Variants in TMEM132D observed in about 807,000 individuals in gnomAD.
TMEM132D encodes transmembrane protein 132D, also known as mature OL transmembrane protein.
TMEM132D carries 21 observed loss-of-function variants against 62.3 expected under a neutral mutation model. The ratio of observed to expected loss-of-function variants is 0.34; its 90% CI spans 0.24 to 0.49. TMEM132D has a LOEUF of 0.49. Ranked by LOEUF, TMEM132D falls within the 20% of genes least tolerant of loss-of-function variation. TMEM132D has a pLI of 0.99. For missense variants in TMEM132D, 1,346 were observed against 1,402.8 expected (o/e 0.96, Z 0.65); for synonymous variants, 621 against 575.6 (o/e 1.08, Z -1.13).
chr12:129,577,837 A>T (rs899663552), intron 2 of TMEM132D, among the ~76,000 whole-genome samples: 4 of 152,116 alleles, frequency 2.6e-5, no homozygotes, highest in African/African-American at 9.7e-5. Context: ...AGAATAGTTA[A>T]TCGTATGTGT....
chr12:129,874,550 TACATA>T (rs1874353367), intron 1 of TMEM132D, among the ~76,000 whole-genome samples: 1 of 146,626 alleles, frequency 6.8e-6, no homozygotes, highest in Non-Finnish European at 1.5e-5. Context: ...TCTTTAAATA[TACATA>T]ATTTTGTTTG....
intron 3 of TMEM132D, among the ~76,000 whole-genome samples, chr12:129,488,728 C>CG (rs1455691935): frequency 6.6e-6 from 1 of 151,418 alleles, no homozygotes; most frequent in African/African-American, 2.4e-5. Context: ...AGGAGTGTGG[C>CG]GGGGGAAACT....
At chr12:129,182,090 G>A (rs1010153060) in intron 5 of TMEM132D, among the ~76,000 whole-genome samples, 3 of 152,096 alleles carry the variant, frequency 2.0e-5, no homozygotes, top group South Asian at 2.1e-4. Flanking sequence ...GGCCAGGCGC[G>A]GTGTCTCATG....
chr12:129,468,033 G>T (rs569260501), intron 3 of TMEM132D, among the ~76,000 whole-genome samples: 1 of 152,150 alleles, frequency 6.6e-6, no homozygotes, highest in East Asian at 1.9e-4. Flanking sequence ...TTGGATTCAG[G>T]AACAGCTGAG....
intron 2 of TMEM132D, among the ~76,000 whole-genome samples, chr12:129,656,945 A>AT (rs1341223693): frequency 6.6e-6 from 1 of 152,120 alleles, no homozygotes; most frequent in East Asian, 1.9e-4. Flanking sequence ...TTTCTTTGAA[A>AT]TTTTCTCAAG....
At chr12:129,158,669 G>T (rs1271038086) in intron 5 of TMEM132D, among the ~76,000 whole-genome samples, 2 of 152,184 alleles carry the variant, frequency 1.3e-5, no homozygotes, top group Middle Eastern at 3.2e-3. Flanking sequence ...GCCACATGAA[G>T]AAAGTTAGGA....
chr12:129,073,080 T>C lies in TMEM132D; in HGVS notation c.*795A>G, dbSNP rs1593250141. ...TGGCAATGCAGTGGAGGAATAGAAA[T>C]GGATACATTGTGAACTTGATATGAA... On this transcript the variant is annotated 3_prime_UTR_variant, in exon 9 of 9. Transcript: ENST00000422113. The C allele has an allele frequency of 6.6e-6, 1 of 152,322 alleles. No individual in the cohort carries two copies. Among genetic ancestry groups the C allele is most frequent in the East Asian group, 1.9e-4 (1 of 5,178 alleles). 9.4% of individuals were successfully genotyped at this position (152,322 alleles called of 1,614,324 possible). A position where few individuals can be genotyped will look rare whatever the true frequency, so the allele number is the denominator to read the frequency against.
At chr12:129,619,154 G>C (rs893379620) in intron 2 of TMEM132D, among the ~76,000 whole-genome samples, 15 of 152,248 alleles carry the variant, frequency 9.9e-5, no homozygotes, top group African/African-American at 3.1e-4. Flanking sequence ...GGATAATGAG[G>C]CATGTCCCAC....
chr12:129,806,403 T>C (rs1241028026), intron 1 of TMEM132D, among the ~76,000 whole-genome samples: 2 of 109,700 alleles, frequency 1.8e-5, no homozygotes, highest in Admixed American at 2.0e-4. Context: ...GGGACATGGA[T>C]GAAATTGGAA....
chr12:129,532,963 G>A (rs1045347548), intron 2 of TMEM132D, among the ~76,000 whole-genome samples: 2 of 152,070 alleles, frequency 1.3e-5, no homozygotes, highest in East Asian at 1.9e-4. Context: ...TTTCCTTGGC[G>A]AATACATCGG....
At chr12:129,725,077 T>C (rs943349602) in intron 1 of TMEM132D, among the ~76,000 whole-genome samples, 1 of 152,166 alleles carries the variant, frequency 6.6e-6, no homozygotes, top group African/African-American at 2.4e-5. Flanking sequence ...ACATTTGAGA[T>C]AAGTGTGCCC....
intron 5 of TMEM132D, among the ~76,000 whole-genome samples, chr12:129,103,343 C>A (rs1875377226): frequency 6.6e-6 from 1 of 152,196 alleles, no homozygotes; most frequent in South Asian, 2.1e-4. Flanking sequence ...CTTGCAGAAC[C>A]AGGCTCATTT....
At chr12:129,634,891 T>C (rs1302422405) in intron 2 of TMEM132D, among the ~76,000 whole-genome samples, 1 of 152,200 alleles carries the variant, frequency 6.6e-6, no homozygotes, top group African/African-American at 2.4e-5. Flanking sequence ...TGTTTCACAA[T>C]TTACTTATTT....
In TMEM132D at chr12:129,188,690, TGATAGATA is replaced by T. The variant is rs145843780; in HGVS notation, c.1443+20822_1443+20829del. On this transcript the variant is annotated intron_variant, in intron 5 of 8. Coordinates refer to ENST00000422113, the MANE Select transcript of TMEM132D (RefSeq NM_133448.3). Reference sequence around the variant, plus strand: ...AGGGCAAAAGATGAAACTAGATGATTGATAGATAGATAGATAGATAATAGAGATAAATG... The same window carrying T: ...AGGGCAAAAGATGAAACTAGATGATTGATAGATAGATAATAGAGATAAATG... Among the ~76,000 whole-genome samples, 305 of 147,182 alleles carry T rather than the reference TGATAGATA, an allele frequency of 2.1e-3. 2 individuals carry two copies. Among genetic ancestry groups the T allele is most frequent in the African/African-American group, 7.4e-3 (290 of 39,264 alleles).
At chr12:129,262,861 A>G (rs1880587024) in intron 4 of TMEM132D, 1 of 152,204 alleles carries the variant, frequency 6.6e-6, no homozygotes, top group Non-Finnish European at 1.5e-5. Context: ...TCAGTTCTAG[A>G]TATCTTTTCC....
chr12:129,181,017 G>C (rs948138975), intron 5 of TMEM132D, among the ~76,000 whole-genome samples: 2 of 152,150 alleles, frequency 1.3e-5, no homozygotes, highest in Non-Finnish European at 2.9e-5. Flanking sequence ...ATGGAAACCA[G>C]TTATGAGGAT....
Position 129,277,169 on chromosome 12 carries a change from CA to C in TMEM132D, c.1299+60464del, listed in dbSNP as rs1364557697. Among the ~76,000 whole-genome samples, 2 of 152,146 alleles carry C rather than the reference CA, an allele frequency of 1.3e-5. No individual in the cohort carries two copies. Among genetic ancestry groups the C allele is most frequent in the Non-Finnish European group, 2.9e-5 (2 of 68,014 alleles). On this transcript the variant is annotated intron_variant, in intron 4 of 8. Transcript: ENST00000422113. The surrounding 1 kb of genome is among the most constrained non-coding windows in gnomAD (Gnocchi z 4.2). ...GTGAGAACAGTGGGTGTGTGGAGAA[CA>C]AAAACTATGGAAACAAGCCTGGCTT...
chr12:129,356,511 GCTT>G (rs936601887), intron 3 of TMEM132D, among the ~76,000 whole-genome samples: 1 of 151,518 alleles, frequency 6.6e-6, no homozygotes, highest in African/African-American at 2.4e-5. Flanking sequence ...CTACACGAAA[GCTT>G]CTGGCAATAA....
chr12:129,720,187 T>G (rs1868769560), intron 1 of TMEM132D, among the ~76,000 whole-genome samples: 1 of 152,108 alleles, frequency 6.6e-6, no homozygotes, highest in Admixed American at 6.5e-5. Context: ...ACAACAAAGT[T>G]CTAAACTCAA....
Sources: allele counts gnomAD v4.1 joint callset (sites outside exome capture counted in the v4.1 genomes callset), GRCh38; gene constraint gnomAD v4.1.1; non-coding constraint Gnocchi (gnomAD v3.1); transcripts MANE v1.5; gene names NCBI Gene and HGNC (gene_info 2026-07-23, HGNC 2026-07-21).